Variants in TPM3 observed in about 807,000 individuals in gnomAD.
The protein encoded by TPM3 is tropomyosin 3.
Under a neutral mutation model 43.1 loss-of-function variants are expected in TPM3, and 16 were observed. The ratio of observed to expected loss-of-function variants is 0.37; its 90% CI spans 0.25 to 0.56. The LOEUF is 0.56. TPM3 is among the 20% of genes least tolerant of loss of function. The pLI, the probability that TPM3 is intolerant of heterozygous loss-of-function variation, is 0.77. For synonymous variants in TPM3, 101 were observed against 116.9 expected (o/e 0.86, Z 0.88); for missense variants, 176 against 337.2 (o/e 0.52, Z 3.74).
chr1:154,161,121 AT>A (rs1660309836), downstream of TPM3, among the ~76,000 whole-genome samples: 3 of 146,472 alleles, frequency 2.0e-5, no homozygotes, highest in Non-Finnish European at 4.4e-5. Context: ...GGAAAGTATA[AT>A]GCAAATATTA....
chr1:154,185,326 T>C lies in TPM3; in HGVS notation c.243+5860A>G, dbSNP rs185651807. Reference sequence around the variant, plus strand: ...AGGCAGAGGTTGCAGTGAGCTGAGATGGTGCCACTCTACTCCAGCCCGGGT... The same window carrying C: ...AGGCAGAGGTTGCAGTGAGCTGAGACGGTGCCACTCTACTCCAGCCCGGGT... On this transcript the variant is annotated intron_variant, in intron 2 of 9. Transcript: ENST00000651641. Among the ~76,000 whole-genome samples, 191 of 145,878 alleles carry C rather than the reference T, an allele frequency of 1.3e-3. 5 individuals are homozygous for C. The highest frequency in any genetic ancestry group is 4.9e-3 in the African/African-American group (188 of 38,268).
rs890072268 is a variant in TPM3 at position 154,165,692 on chromosome 1, G to T, written c.*2245C>A. ...TGATCTCAGCTACTCGGGAGGCTGAGGTGGGAGAACTGCTTGAACCCAGGA... is the reference window on the plus strand; with the variant it reads ...TGATCTCAGCTACTCGGGAGGCTGATGTGGGAGAACTGCTTGAACCCAGGA... On this transcript the variant is annotated 3_prime_UTR_variant, in exon 10 of 10. Coordinates refer to ENST00000651641, the MANE Select transcript of TPM3 (RefSeq NM_152263.4). 1.3e-5 allele frequency among the ~76,000 whole-genome samples: 2 copies of T among 151,418 alleles called. No homozygotes were observed. Among genetic ancestry groups the T allele is most frequent in the African/African-American group, 4.9e-5 (2 of 41,218 alleles).
At chr1:154,169,041 G>T (rs970865331) in intron 9 of TPM3, among the ~76,000 whole-genome samples, 1 of 151,814 alleles carries the variant, frequency 6.6e-6, no homozygotes, top group African/African-American at 2.4e-5. Flanking sequence ...TCACCATGTT[G>T]GCCAGGCTGG....
At chr1:154,188,532 G>A (rs1346387546) in intron 2 of TPM3, among the ~76,000 whole-genome samples, 2 of 151,232 alleles carry the variant, frequency 1.3e-5, no homozygotes, top group South Asian at 2.1e-4. Flanking sequence ...AAAATTAGCC[G>A]GGCGCGGTGG....
At chr1:154,156,903 G>A (rs1659865113), downstream of TPM3, 1 of 196,834 alleles carries the variant, frequency 5.1e-6, no homozygotes, top group Non-Finnish European at 1.1e-5. Flanking sequence ...AGGGGGACAT[G>A]ATCCATTCTG....
At chr1:154,182,823 T>C (rs1411432483) in intron 2 of TPM3, among the ~76,000 whole-genome samples, 3 of 152,006 alleles carry the variant, frequency 2.0e-5, no homozygotes, top group African/African-American at 7.2e-5. Flanking sequence ...CTCGTCCGCT[T>C]GGTGTCCTAC....
At position 154,171,195 on chromosome 1, in the gene TPM3, C is replaced by A. The variant is rs183382448; in HGVS notation, c.642+218G>T. The A allele has an allele frequency of 2.9e-3, 1,833 of 631,136 alleles. 8 individuals carry two copies. The highest frequency in any genetic ancestry group is 2.7e-3 in the Non-Finnish European group (966 of 356,344). 39.1% of individuals were successfully genotyped at this position (631,136 alleles called of 1,614,324 possible). On this transcript the variant is annotated intron_variant, in intron 6 of 9. Coordinates refer to ENST00000651641, the MANE Select transcript of TPM3 (RefSeq NM_152263.4). ...CACAGCAGTATCAGCCTAAGGAGCACATGACTCCAGTAACCTGAGACCAAG... is the reference window on the plus strand; with the variant it reads ...CACAGCAGTATCAGCCTAAGGAGCAAATGACTCCAGTAACCTGAGACCAAG...
At chr1:154,191,525 C>T in intron 1 of TPM3, 2 of 1,292,640 alleles carry the variant, frequency 1.5e-6, no homozygotes, top group East Asian at 2.6e-5. Flanking sequence ...ACCAAGCCAT[C>T]CTGGGTTTTC....
chr1:154,183,167 T>A (rs779537784), intron 2 of TPM3: 5 of 1,596,888 alleles, frequency 3.1e-6, no homozygotes, highest in Non-Finnish European at 4.2e-6. Context: ...CCTCCTCCGC[T>A]CGGCGTTGCA....
rs1237032079 is a variant in TPM3, at chr1:154,163,487, C to A, written c.*4450G>T. ...AATTACTAAAGTATCAATGCATGTC[C>A]CATTTTCAGTTATCTTCCTTCTTAG... On this transcript the variant is annotated 3_prime_UTR_variant, in exon 10 of 10. Coordinates refer to ENST00000651641, the MANE Select transcript of TPM3 (RefSeq NM_152263.4). 2.0e-5 allele frequency among the ~76,000 whole-genome samples: 3 copies of A among 152,264 alleles called. No individual in the cohort carries two copies. In the East Asian group the frequency reaches 5.8e-4, roughly 29 times the overall value.
chr1:154,160,277 G>A (rs1660215129), downstream of TPM3, among the ~76,000 whole-genome samples: 1 of 152,090 alleles, frequency 6.6e-6, no homozygotes, highest in African/African-American at 2.4e-5. Context: ...GTTTCAAAAT[G>A]GTCTCAGGAT....
intron 1 of TPM3, 108 bp downstream of exon 1, chr1:154,191,794 C>T: frequency 6.3e-7 from 1 of 1,581,816 alleles, no homozygotes; most frequent in East Asian, 2.2e-5. Context: ...TCCATCCCAC[C>T]CCCAAAAAGG....
chr1:154,186,756 T>G (rs2148289167), intron 2 of TPM3, among the ~76,000 whole-genome samples: 1 of 151,826 alleles, frequency 6.6e-6, no homozygotes, highest in East Asian at 1.9e-4. Flanking sequence ...TATGCGTATT[T>G]TACCACAACT....
chr1:154,172,103 G>A (rs142738030), intron 5 of TPM3: 8 of 1,614,026 alleles, frequency 5.0e-6, no homozygotes, highest in Middle Eastern at 1.6e-4. Flanking sequence ...TCTCGGCAAC[G>A]GCTGTTAGTG....
chr1:154,161,101 A>G (rs1359348606), downstream of TPM3, among the ~76,000 whole-genome samples: 1 of 140,948 alleles, frequency 7.1e-6, no homozygotes, highest in East Asian at 2.3e-4. Context: ...CGAATTTGGG[A>G]TGCTCAACTG....
chr1:154,168,181 T>C (rs1378331956), intron 9 of TPM3, among the ~76,000 whole-genome samples: 1 of 152,200 alleles, frequency 6.6e-6, no homozygotes, highest in Non-Finnish European at 1.5e-5. Flanking sequence ...ACAACTCTTT[T>C]TGGTGCTGTT....
intron 5 of TPM3, 92 bp from the exon 6 acceptor site, chr1:154,171,580 T>C (rs1661580330): frequency 2.1e-6 from 3 of 1,396,534 alleles, no homozygotes; most frequent in African/African-American, 1.5e-5. Flanking sequence ...ATTGAACCTA[T>C]ATGTAGAGAG....
chr1:154,157,572 C>G (rs1051229), downstream of TPM3: 2 of 768,602 alleles, frequency 2.6e-6, no homozygotes, highest in Non-Finnish European at 4.8e-6. Flanking sequence ...GTCAGCTTCC[C>G]GCAGGCTGGC....
downstream of TPM3, chr1:154,156,906 C>T (rs1248219705): frequency 1.0e-5 from 2 of 196,840 alleles, no homozygotes; most frequent in Non-Finnish European, 1.1e-5. Context: ...GGGACATGAT[C>T]CATTCTGTAA....
Sources: allele counts gnomAD v4.1 joint callset (sites outside exome capture counted in the v4.1 genomes callset), GRCh38; gene constraint gnomAD v4.1.1; transcripts MANE v1.5; gene names NCBI Gene and HGNC (gene_info 2026-07-23, HGNC 2026-07-21).